Variants in RBFOX1 observed in about 807,000 individuals in gnomAD.
RBFOX1 encodes RNA binding protein fox-1 homolog 1.
A neutral mutation model predicts 57.7 loss-of-function variants in RBFOX1; 8 were observed. The ratio of observed to expected loss-of-function variants is 0.14; its 90% CI spans 0.08 to 0.25. The LOEUF is 0.25. Ranked by LOEUF, RBFOX1 falls within the 10% of genes least tolerant of loss-of-function variation. The pLI is 1.00. For missense variants in RBFOX1, 611 were observed against 548.5 expected, an observed-to-expected ratio of 1.11 and a Z score of -1.14; for synonymous variants, 326 against 222.4, an observed-to-expected ratio of 1.47 and a Z score of -4.15.
chr16:7,145,746 G>T (rs2074827163), intron 4 of RBFOX1, among the ~76,000 whole-genome samples: 1 of 152,098 alleles, frequency 6.6e-6, no homozygotes, highest in African/African-American at 2.4e-5. Context: ...CAGTGGTATG[G>T]CCCTGTATTA....
chr16:6,045,145 C>A (rs1168802715), intron 1 of RBFOX1, among the ~76,000 whole-genome samples: 1 of 152,182 alleles, frequency 6.6e-6, no homozygotes, highest in Non-Finnish European at 1.5e-5. Context: ...TCACCCAAGA[C>A]TCTTGTTAAA....
At chr16:5,983,643 C>G (rs1567219830) in intron 4 of RBFOX1, among the ~76,000 whole-genome samples, 1 of 152,164 alleles carries the variant, frequency 6.6e-6, no homozygotes, top group Non-Finnish European at 1.5e-5. Flanking sequence ...TCATTTCTGA[C>G]TCTCGTTGTT....
Position 7,518,178 on chromosome 16 carries a change from C to A in RBFOX1, c.59C>A (p.Thr20Lys). Residue 20 changes from threonine to lysine, a missense_variant, in exon 5 of 16, where the codon ACA (threonine) becomes AAA (lysine). Physicochemically the swap from Thr to Lys is moderately conservative, Grantham distance 78 (BLOSUM62 -1). Around this residue, in one of 3 missense-constraint regions of RBFOX1, gnomAD observed 245 missense variants for 159.1 expected, o/e 1.54. Coordinates refer to ENST00000550418, the MANE Select transcript of RBFOX1 (RefSeq NM_018723.4). ...GNQEAAAAPD[T>K]MAQPYASAQF... ...CAGGAAGCAGCCGCTGCCCCTGACA[C>A]AATGGCTCAGCCTTACGCTTCGGCC... The A allele has an allele frequency of 6.2e-7, 1 of 1,613,672 alleles. No individual in the cohort carries two copies. Among genetic ancestry groups the A allele is most frequent in the Non-Finnish European group, 8.5e-7 (1 of 1,179,734 alleles).
intron 3 of RBFOX1, among the ~76,000 whole-genome samples, chr16:5,746,292 G>T (rs1452151041): frequency 6.6e-6 from 1 of 152,086 alleles, no homozygotes; most frequent in African/African-American, 2.4e-5. Flanking sequence ...TGTTCCATTG[G>T]TCTATATCTC....
intron 3 of RBFOX1, among the ~76,000 whole-genome samples, chr16:6,761,596 C>G (rs559922812): frequency 7.0e-6 from 1 of 143,822 alleles, no homozygotes; most frequent in African/African-American, 2.6e-5. Context: ...TAACCTCTGC[C>G]TCCCAGATTC....
chr16:7,154,936 G>A (rs1013064434), intron 4 of RBFOX1, among the ~76,000 whole-genome samples: 13 of 152,080 alleles, frequency 8.5e-5, no homozygotes, highest in African/African-American at 2.7e-4. Flanking sequence ...TGAGAGAATA[G>A]GGATGTTAAC....
intron 1 of RBFOX1, among the ~76,000 whole-genome samples, chr16:6,215,468 G>T (rs1310593741): frequency 1.3e-5 from 2 of 151,228 alleles, no homozygotes; most frequent in Non-Finnish European, 2.9e-5. Flanking sequence ...GAGGGAGAGG[G>T]GGAGAGGGAG....
intron 1 of RBFOX1, among the ~76,000 whole-genome samples, chr16:6,127,285 A>T (rs57851874): frequency 0.15 from 18,229 of 119,194 alleles, 1,464 homozygotes; most frequent in African/African-American, 0.35. Context: ...CTCTTTTTTT[A>T]AAAAAAAAAA....
At chr16:5,525,292 T>C (rs371706135) in intron 2 of RBFOX1, among the ~76,000 whole-genome samples, 9 of 152,174 alleles carry the variant, frequency 5.9e-5, no homozygotes, top group African/African-American at 1.9e-4. Flanking sequence ...ACGCCTGACA[T>C]TTATTTAGTG....
intron 2 of RBFOX1, among the ~76,000 whole-genome samples, chr16:6,321,200 G>C (rs2081747722): frequency 6.6e-6 from 1 of 152,154 alleles, no homozygotes; most frequent in African/African-American, 2.4e-5. Context: ...TCAGGTCAGG[G>C]TAGTTAACAT....
At chr16:6,824,983 G>GTTTTTTGTT (rs2091915909) in intron 3 of RBFOX1, among the ~76,000 whole-genome samples, 2 of 36,878 alleles carry the variant, frequency 5.4e-5, no homozygotes, top group Non-Finnish European at 1.2e-4. Flanking sequence ...TTCTTTCTTG[G>GTTTTTTGTT]TTTTTTTTTT....
intron 2 of RBFOX1, among the ~76,000 whole-genome samples, chr16:6,348,327 C>G (rs892226598): frequency 6.6e-6 from 1 of 152,142 alleles, no homozygotes. Context: ...GTATAGATGA[C>G]ACCATATGCT....
At chr16:6,628,548 A>G (rs768827328) in intron 2 of RBFOX1, among the ~76,000 whole-genome samples, 4 of 152,276 alleles carry the variant, frequency 2.6e-5, no homozygotes, top group African/African-American at 9.6e-5. Context: ...TCATCTACCA[A>G]TCCACCTCAT....
intron 3 of RBFOX1, among the ~76,000 whole-genome samples, chr16:6,903,112 C>T (rs140562612): frequency 1.1e-4 from 16 of 152,196 alleles, no homozygotes; most frequent in African/African-American, 2.2e-4. Context: ...TCTTGGAGGA[C>T]GCGATTCTGA....
chr16:6,924,973 T>C (rs999540748), intron 3 of RBFOX1, among the ~76,000 whole-genome samples: 1 of 151,686 alleles, frequency 6.6e-6, no homozygotes, highest in African/African-American at 2.4e-5. Flanking sequence ...TTGCTGAGAA[T>C]GATGGTTTCC....
At chr16:6,403,151 A>C (rs1440351877) in intron 2 of RBFOX1, among the ~76,000 whole-genome samples, 1 of 152,156 alleles carries the variant, frequency 6.6e-6, no homozygotes, top group Non-Finnish European at 1.5e-5. Context: ...CAGCAGCATG[A>C]GTATCACCTG....
At chr16:7,078,529 G>A (rs2058653879) in intron 4 of RBFOX1, among the ~76,000 whole-genome samples, 1 of 150,942 alleles carries the variant, frequency 6.6e-6, no homozygotes, top group Admixed American at 6.6e-5. Flanking sequence ...TGTATTTTTA[G>A]GAGAGTCAGG....
At chr16:6,900,566 A>C (rs947356181) in intron 3 of RBFOX1, among the ~76,000 whole-genome samples, 5 of 152,104 alleles carry the variant, frequency 3.3e-5, no homozygotes, top group Non-Finnish European at 7.4e-5. Context: ...TCATTATTTC[A>C]GAGCCTTTTT....
intron 4 of RBFOX1, among the ~76,000 whole-genome samples, chr16:7,499,651 G>A (rs1429491025): frequency 7.2e-5 from 11 of 152,152 alleles, no homozygotes; most frequent in Admixed American, 2.0e-4. Context: ...AACAGTAAGT[G>A]AAGAGGATGA....
Sources: gnomAD v4.1 joint callset for allele counts (sites outside exome capture counted in the v4.1 genomes callset) on GRCh38, gnomAD v4.1.1 for gene constraint, gnomAD v4.1.1 regional missense constraint, MANE v1.5 for transcripts, NCBI Gene and HGNC (gene_info 2026-07-23, HGNC 2026-07-21) for gene names.